Variants in CDH13 observed in about 807,000 individuals in gnomAD.
CDH13 encodes cadherin 13, also known as cadherin-13.
In CDH13, 24 loss-of-function variants were observed where a neutral mutation model predicts 63.8. The observed-to-expected ratio is 0.38, with a 90% CI of 0.27 to 0.53. The LOEUF (loss-of-function observed/expected upper bound fraction) is 0.53, where lower values mean the gene tolerates loss of function less well. CDH13 is among the 20% of genes least tolerant of loss of function. The probability of loss-of-function intolerance (pLI) is 0.85; values close to 1 mark genes in which losing one functional copy is unlikely to be tolerated. For missense variants in CDH13, 1,049 were observed against 903.1 expected (o/e 1.16, Z -2.07); for synonymous variants, 503 against 355.3 (o/e 1.42, Z -4.67).
At chr16:83,783,641 C>T (rs540023604) in intron 13 of CDH13, among the ~76,000 whole-genome samples, 169 bp downstream of exon 13, 38 of 152,276 alleles carry the variant, frequency 2.5e-4, no homozygotes, top group African/African-American at 8.7e-4. Flanking sequence ...AAAGTGCTCC[C>T]ACTGATGTTT....
intron 2 of CDH13, among the ~76,000 whole-genome samples, chr16:82,882,930 A>G (rs548108732): frequency 6.6e-6 from 1 of 152,126 alleles, no homozygotes; most frequent in Admixed American, 6.5e-5. Context: ...GTATAAGCCT[A>G]CCCCTTTAAT....
At chr16:82,771,600 C>T (rs1445740055) in intron 1 of CDH13, among the ~76,000 whole-genome samples, 1 of 152,172 alleles carries the variant, frequency 6.6e-6, no homozygotes, top group Admixed American at 6.5e-5. Context: ...GTAACTTTCC[C>T]CAGTCCACCA....
intron 9 of CDH13, among the ~76,000 whole-genome samples, chr16:83,674,537 G>C (rs1369596531): frequency 6.6e-6 from 1 of 152,236 alleles, no homozygotes; most frequent in East Asian, 1.9e-4. Flanking sequence ...AGCTGAGAAA[G>C]TCCAAATCTG....
intron 2 of CDH13, among the ~76,000 whole-genome samples, chr16:82,967,046 G>A (rs375143438): frequency 1.9e-4 from 29 of 152,272 alleles, no homozygotes; most frequent in East Asian, 5.8e-4. Context: ...ATCTGGAAAA[G>A]TTCTTCATCT....
intron 2 of CDH13, among the ~76,000 whole-genome samples, chr16:83,019,363 C>T (rs949853615): frequency 2.6e-4 from 39 of 152,112 alleles, no homozygotes; most frequent in African/African-American, 8.9e-4. Context: ...CTGTATTCTG[C>T]CTCCACATTT....
At chr16:83,143,751 G>C (rs2036632458) in intron 4 of CDH13, among the ~76,000 whole-genome samples, 1 of 152,140 alleles carries the variant, frequency 6.6e-6, no homozygotes, top group Admixed American at 6.5e-5. Flanking sequence ...ATCCTCTTGA[G>C]TGCTTTTTAA....
At chr16:82,913,886 T>C (rs758936020) in intron 2 of CDH13, among the ~76,000 whole-genome samples, 4 of 152,074 alleles carry the variant, frequency 2.6e-5, no homozygotes, top group Admixed American at 6.6e-5. Flanking sequence ...GTTTAATCCT[T>C]AAGGAGACTG....
chr16:83,354,069 G>A (rs1475032260), intron 6 of CDH13, among the ~76,000 whole-genome samples: 1 of 152,224 alleles, frequency 6.6e-6, no homozygotes, highest in Non-Finnish European at 1.5e-5. Flanking sequence ...CTTCAGAAAT[G>A]TAGTGATCAT....
intron 2 of CDH13, among the ~76,000 whole-genome samples, chr16:82,906,820 T>C (rs145605241): frequency 1.3e-5 from 2 of 152,264 alleles, no homozygotes; most frequent in African/African-American, 4.8e-5. Flanking sequence ...TGCAGGTGCA[T>C]CTTGCCAACC....
intron 8 of CDH13, among the ~76,000 whole-genome samples, chr16:83,631,707 G>C (rs1035727533): frequency 6.6e-6 from 1 of 152,052 alleles, no homozygotes; most frequent in African/African-American, 2.4e-5. Context: ...ATGTTGATGA[G>C]GGGAGCCAGC....
intron 3 of CDH13, among the ~76,000 whole-genome samples, chr16:83,070,347 C>G (rs2032340498): frequency 6.6e-6 from 1 of 152,076 alleles, no homozygotes; most frequent in South Asian, 2.1e-4. Flanking sequence ...GCCATAAGTA[C>G]CAAGGAATTC....
chr16:83,543,374 A>G (rs921369379), intron 7 of CDH13, among the ~76,000 whole-genome samples: 4 of 152,218 alleles, frequency 2.6e-5, no homozygotes, highest in African/African-American at 9.6e-5. Context: ...TGATTAAATG[A>G]CATGGCTCCT....
At chr16:83,235,582 G>GT (rs58891041) in intron 5 of CDH13, among the ~76,000 whole-genome samples, 14,344 of 140,330 alleles carry the variant, frequency 0.1, 1,353 homozygotes, top group African/African-American at 0.24. Context: ...ATGTGGTGGT[G>GT]TTTTTTTTTT....
At chr16:83,620,210 G>C (rs1011512595) in intron 8 of CDH13, among the ~76,000 whole-genome samples, 73 of 152,204 alleles carry the variant, frequency 4.8e-4, no homozygotes, top group African/African-American at 1.7e-3. Context: ...GGCCAACATG[G>C]TGAAACCCCG....
intron 7 of CDH13, among the ~76,000 whole-genome samples, chr16:83,539,690 C>T (rs971524187): frequency 1.8e-4 from 28 of 152,218 alleles, no homozygotes; most frequent in Middle Eastern, 3.4e-3. Flanking sequence ...AAGAACTTCA[C>T]GAAATAGGTA....
intron 4 of CDH13, among the ~76,000 whole-genome samples, chr16:83,208,952 G>A (rs1203573163): frequency 6.6e-6 from 1 of 152,144 alleles, no homozygotes; most frequent in Non-Finnish European, 1.5e-5. Flanking sequence ...AGGATAGGGA[G>A]GGTATTAAGT....
chr16:83,473,050 C>A (rs970036970), intron 6 of CDH13, among the ~76,000 whole-genome samples: 1 of 152,130 alleles, frequency 6.6e-6, no homozygotes, highest in African/African-American at 2.4e-5. Flanking sequence ...TCTGTGAGCC[C>A]AGACAGTCCA....
intron 1 of CDH13, among the ~76,000 whole-genome samples, chr16:82,677,348 C>G (rs922889764): frequency 6.6e-6 from 1 of 152,014 alleles, no homozygotes; most frequent in Admixed American, 6.6e-5. Context: ...TCTTCCTAGC[C>G]CAGGTGTTTA....
intron 7 of CDH13, among the ~76,000 whole-genome samples, chr16:83,490,758 G>A (rs1358533068): frequency 1.3e-5 from 2 of 152,212 alleles, no homozygotes; most frequent in Non-Finnish European, 2.9e-5. Flanking sequence ...CTTGAAAGCA[G>A]GTGAACTGGC....
Sources: allele counts gnomAD v4.1 joint callset (sites outside exome capture counted in the v4.1 genomes callset), GRCh38; gene constraint gnomAD v4.1.1; transcripts MANE v1.5; gene names NCBI Gene and HGNC (gene_info 2026-07-23, HGNC 2026-07-21).